Variants in ZIM2 observed in about 807,000 individuals in gnomAD.
ZIM2 encodes the protein zinc finger imprinted 2, also known as zinc finger protein 656.
A neutral mutation model predicts 38.6 loss-of-function variants in ZIM2; 14 were observed. The ratio of observed to expected loss-of-function variants is 0.36; its 90% CI spans 0.24 to 0.57. The LOEUF (loss-of-function observed/expected upper bound fraction) is 0.57. Among genes scored for constraint, ZIM2 ranks in the 20% least tolerant of loss-of-function variants. The pLI is 0.81. For missense variants in ZIM2, 680 were observed against 695.1 expected, an observed-to-expected ratio of 0.98 and a Z score of 0.24; for synonymous variants, 247 against 245.8, an observed-to-expected ratio of 1.00 and a Z score of -0.04.
At chr19:56,795,658 G>C (rs999952128) in intron 9 of ZIM2, among the ~76,000 whole-genome samples, 5 of 152,190 alleles carry the variant, frequency 3.3e-5, no homozygotes, top group African/African-American at 1.2e-4. Context: ...GGCGACGTAG[G>C]AGGGCGCTCC....
At position 56,814,472 on chromosome 19, in the gene ZIM2, G is replaced by A; in HGVS notation, c.490+3274C>T. On this transcript the variant is annotated intron_variant, in intron 9 of 12. Transcript: ENST00000629319. This position sits in a 1 kb window ranked among gnomAD's most constrained non-coding sequence, Gnocchi z 5.8. ...TAGAATGGTATAGCTCCTTTGAGGG[G>A]CTCAGTAAGAAATGAGGTGTGAGTA... The A allele has an allele frequency of 6.2e-7, 1 of 1,613,232 alleles. No individual in the cohort carries two copies. The highest frequency in any genetic ancestry group is 8.5e-7 in the Non-Finnish European group (1 of 1,179,164).
At chr19:56,794,390 GA>G (rs1250415127) in intron 9 of ZIM2, among the ~76,000 whole-genome samples, 2 of 152,164 alleles carry the variant, frequency 1.3e-5, no homozygotes, top group Non-Finnish European at 2.9e-5. Flanking sequence ...GCCACTTGGG[GA>G]AAACATTTTT....
chr19:56,796,965 G>A (rs2047262629), intron 9 of ZIM2, among the ~76,000 whole-genome samples: 1 of 152,140 alleles, frequency 6.6e-6, no homozygotes, highest in Non-Finnish European at 1.5e-5. Flanking sequence ...ACTACGTGAG[G>A]GTGAGCTGAA....
At chr19:56,820,048 C>T (rs551036907) in intron 7 of ZIM2, among the ~76,000 whole-genome samples, 6 of 152,198 alleles carry the variant, frequency 3.9e-5, no homozygotes, top group East Asian at 1.9e-4. Flanking sequence ...AGAAAAAGCA[C>T]GCTTTGATTG....
chr19:56,775,681 C>G, intron 12 of ZIM2, 152 bp from the exon 13 acceptor site: 2 of 1,371,766 alleles, frequency 1.5e-6, no homozygotes, highest in Non-Finnish European at 1.9e-6. Context: ...AAAAATTCCT[C>G]TATTCTTTTT....
At chr19:56,780,507 G>A (rs2046277292) in intron 11 of ZIM2, among the ~76,000 whole-genome samples, 1 of 152,104 alleles carries the variant, frequency 6.6e-6, no homozygotes. Context: ...GCCTCCCAAA[G>A]TGTTGGGATT....
At chr19:56,779,554 G>A (rs2046214662) in intron 11 of ZIM2, 82 bp from the exon 12 acceptor site, 1 of 1,356,152 alleles carries the variant, frequency 7.4e-7, no homozygotes, top group Non-Finnish European at 1.0e-6. Context: ...AATAAGGAAG[G>A]AACAAACTCT....
rs377483934 is a variant in ZIM2, at chr19:56,774,660, A to G, written c.*28T>C. 6.2e-4 allele frequency: 996 copies of G among 1,601,620 alleles called. No homozygotes were observed. Among genetic ancestry groups the G allele is most frequent in the Non-Finnish European group, 7.7e-4 (908 of 1,172,686 alleles). On this transcript the variant is annotated 3_prime_UTR_variant, in exon 13 of 13. Coordinates refer to ENST00000629319, the MANE Select transcript of ZIM2 (RefSeq NM_001387356.1). ...CTAGGAGGAAGCCAATAATGTTGAG[A>G]AAAGTGTGTGCTGTGACTAAAGGTT...
Position 56,817,363 on chromosome 19 carries a change from A to G in ZIM2, c.490+383T>C, listed in dbSNP as rs1257085149. The stretch of plus-strand genomic sequence containing the variant: ...CCCTTCATAAACCCGCTGCTGGATC[A>G]CTGACTCCCTCTTGTTCAATGAAAT... On this transcript the variant is annotated intron_variant, in intron 9 of 12. Coordinates refer to ENST00000629319, the MANE Select transcript of ZIM2 (RefSeq NM_001387356.1). The G allele has an allele frequency of 2.5e-6, 4 of 1,613,982 alleles. No individual in the cohort carries two copies. In the South Asian group the frequency reaches 4.4e-5, roughly 18 times the overall value.
At chr19:56,812,723 T>C in intron 9 of ZIM2, 5 of 985,204 alleles carry the variant, frequency 5.1e-6, no homozygotes, top group Non-Finnish European at 6.0e-6. Context: ...CTAGTGATGG[T>C]TGTAACCCAT....
intron 9 of ZIM2, among the ~76,000 whole-genome samples, chr19:56,790,705 T>C (rs2046887496): frequency 6.6e-6 from 1 of 152,198 alleles, no homozygotes; most frequent in African/African-American, 2.4e-5. Flanking sequence ...TTAATAAACT[T>C]CGTCACAGAT....
rs1367274696 is a variant in ZIM2 at position 56,817,310 on chromosome 19, T to G, written c.490+436A>C. ...CTCTTTCTGGAAACAAGGGTTGAAT[T>G]AAACCTAAAGCCTCCCCTAAATGCA... On this transcript the variant is annotated intron_variant, in intron 9 of 12. Coordinates refer to ENST00000629319, the MANE Select transcript of ZIM2 (RefSeq NM_001387356.1). 6.8e-6 allele frequency: 11 copies of G among 1,614,042 alleles called. No individual in the cohort carries two copies. Among genetic ancestry groups the G allele is most frequent in the East Asian group, 2.2e-5 (1 of 44,886 alleles).
chr19:56,799,611 A>T (rs868638346), intron 9 of ZIM2: 11 of 152,236 alleles, frequency 7.2e-5, no homozygotes, highest in Middle Eastern at 3.4e-3. Context: ...TTAAAATAAA[A>T]GTTGGAAATA....
At chr19:56,811,100 T>G in intron 9 of ZIM2, 1 of 983,358 alleles carries the variant, frequency 1.0e-6, no homozygotes, top group Non-Finnish European at 1.2e-6. Context: ...GGGGATATGA[T>G]TTTTTTTCCT....
At chr19:56,796,897 C>A (rs2047258666) in intron 9 of ZIM2, among the ~76,000 whole-genome samples, 1 of 152,218 alleles carries the variant, frequency 6.6e-6, no homozygotes, top group South Asian at 2.1e-4. Flanking sequence ...GACAAACACA[C>A]CATCTTTGTT....
chr19:56,775,002 T>C lies in ZIM2; in HGVS notation c.1363A>G (p.Asn455Asp), dbSNP rs761328582. 6.2e-7 allele frequency: 1 copy of C among 1,614,174 alleles called. No homozygotes were observed. Among genetic ancestry groups the C allele is most frequent in the Non-Finnish European group, 8.5e-7 (1 of 1,180,032 alleles). Residue 455 changes from asparagine to aspartate, a missense_variant, in exon 13 of 13, where the codon AAT becomes GAT. Transcript: ENST00000629319. ...CFQCGKAFLQ[N>D]VHLLQHLKAH... ...TTGAGATGTTGAAGAAGATGCACATTCTGGAGAAAAGCTTTGCCGCACTGA... is the reference window on the plus strand; with the variant it reads ...TTGAGATGTTGAAGAAGATGCACATCCTGGAGAAAAGCTTTGCCGCACTGA...
chr19:56,815,571 A>G (rs1441434461), intron 9 of ZIM2: 1 of 1,614,104 alleles, frequency 6.2e-7, no homozygotes, highest in African/African-American at 1.3e-5. Flanking sequence ...TTTGTTCACC[A>G]AAAGGCAGAG....
Position 56,836,000 on chromosome 19 carries a change from G to A in ZIM2, c.-227+18C>T, listed in dbSNP as rs558389691. ...TCCAAAGATGAATGTGGCACTGTGAGGAGGAAATTCAACTCACCTGGACCC... is the reference window on the plus strand; with the variant it reads ...TCCAAAGATGAATGTGGCACTGTGAAGAGGAAATTCAACTCACCTGGACCC... On this transcript the variant is annotated intron_variant, in intron 2 of 12. Coordinates refer to ENST00000629319, the MANE Select transcript of ZIM2 (RefSeq NM_001387356.1). 27 of 509,872 alleles carry A rather than the reference G, an allele frequency of 5.3e-5. No homozygotes were observed. Among genetic ancestry groups the A allele is most frequent in the Non-Finnish European group, 8.2e-5 (21 of 255,700 alleles). The allele number at this position is 509,872 out of a possible 1,614,324, so 31.6% of individuals were successfully genotyped here. A position where few individuals can be genotyped will look rare whatever the true frequency, so the allele number is the denominator to read the frequency against.
intron 9 of ZIM2, among the ~76,000 whole-genome samples, chr19:56,795,826 G>A (rs1600773806): frequency 6.6e-6 from 1 of 152,136 alleles, no homozygotes; most frequent in East Asian, 1.9e-4. Context: ...GGGCGACAGA[G>A]CGAGACTCCA....
Sources: allele counts gnomAD v4.1 joint callset (sites outside exome capture counted in the v4.1 genomes callset), GRCh38; gene constraint gnomAD v4.1.1; non-coding constraint Gnocchi (gnomAD v3.1); transcripts MANE v1.5; gene names NCBI Gene and HGNC (gene_info 2026-07-23, HGNC 2026-07-21).